VPS41: variants seen among roughly 807,000 people sequenced by gnomAD.
VPS41 encodes the protein vacuolar protein sorting-associated protein 41 homolog.
VPS41 carries 85 observed loss-of-function variants against 130.9 expected under a neutral mutation model. The ratio of observed to expected loss-of-function variants is 0.65; its 90% CI spans 0.55 to 0.78. The LOEUF (loss-of-function observed/expected upper bound fraction) is 0.78, where lower values mean the gene tolerates loss of function less well. VPS41 is among the 30% of genes least tolerant of loss of function. VPS41 has a pLI of 0.00. For synonymous variants in VPS41, 335 were observed against 332.9 expected (o/e 1.01, Z -0.07); for missense variants, 874 against 1,018.7 (o/e 0.86, Z 1.93).
chr7:38,772,688 T>G, intron 12 of VPS41, 51 bp from the exon 13 acceptor site: 1 of 1,322,812 alleles, frequency 7.6e-7, no homozygotes, highest in Non-Finnish European at 1.1e-6. Flanking sequence ...AGCAGAAAAC[T>G]TGGCAATGGT....
rs1014096942 is a variant in VPS41, at chr7:38,754,769, A to G, written c.1738-17T>C. ...CTTTTTAATCTAGATAAAAAAGAAAAGTTTCAAGGTGGAGTCATGAGGACA... is the reference window on the plus strand; with the variant it reads ...CTTTTTAATCTAGATAAAAAAGAAAGGTTTCAAGGTGGAGTCATGAGGACA... On this transcript the variant is annotated splice_polypyrimidine_tract_variant and intron_variant, in intron 20 of 28. Transcript: ENST00000310301. The G allele has an allele frequency of 6.2e-7, 1 of 1,610,488 alleles. No individual in the cohort carries two copies. Among genetic ancestry groups the G allele is most frequent in the African/African-American group, 1.3e-5 (1 of 74,816 alleles).
chr7:38,818,252 A>AAC (rs201834461), intron 6 of VPS41, among the ~76,000 whole-genome samples: 102 of 139,240 alleles, frequency 7.3e-4, no homozygotes, highest in African/African-American at 2.3e-3. Flanking sequence ...AACAAAACAA[A>AAC]AAAAAAAAAA....
Position 38,899,867 on chromosome 7 carries a change from G to A in VPS41, c.22-1738C>T, listed in dbSNP as rs578198515. Among the ~76,000 whole-genome samples, 240 of 152,084 alleles carry A rather than the reference G, an allele frequency of 1.6e-3. 2 individuals carry two copies. Among genetic ancestry groups the A allele is most frequent in the Non-Finnish European group, 2.9e-3 (200 of 68,004 alleles). On this transcript the variant is annotated intron_variant, in intron 1 of 28. Coordinates refer to ENST00000310301, the MANE Select transcript of VPS41 (RefSeq NM_014396.4). Reference sequence around the variant, plus strand: ...TTCAGGAAAATCACATTAAACCTAAGGAAATTTTTTTTTCCTCATATAGAA... The same window carrying A: ...TTCAGGAAAATCACATTAAACCTAAAGAAATTTTTTTTTCCTCATATAGAA...
intron 4 of VPS41, among the ~76,000 whole-genome samples, chr7:38,846,258 G>A (rs569262885): frequency 1.3e-4 from 20 of 152,142 alleles, no homozygotes; most frequent in Non-Finnish European, 2.5e-4. Flanking sequence ...TGTTTATATG[G>A]CAAGTTCCAC....
intron 1 of VPS41, 30 bp from the exon 2 acceptor site, chr7:38,898,159 G>A (rs1160739216): frequency 1.3e-6 from 2 of 1,589,558 alleles, no homozygotes; most frequent in Non-Finnish European, 1.7e-6. Context: ...AAAATGGTCA[G>A]AAGAGATGAT....
Position 38,723,984 on chromosome 7 carries a change from A to G in VPS41, c.*2262T>C, listed in dbSNP as rs2129083279. On this transcript the variant is annotated 3_prime_UTR_variant, in exon 29 of 29. Transcript: ENST00000310301. ...GTTTATTCAAAAGAAAAGACATTCT[A>G]AGGAACGAAAGCTAGTGTTTTTTAT... 6.6e-6 allele frequency: 1 copy of G among 152,292 alleles called. No individual in the cohort carries two copies. The highest frequency in any genetic ancestry group is 1.5e-5 in the Non-Finnish European group (1 of 68,016). 9.4% of individuals were successfully genotyped at this position (152,292 alleles called of 1,614,324 possible).
intron 2 of VPS41, among the ~76,000 whole-genome samples, chr7:38,875,116 G>A (rs1202459455): frequency 6.6e-6 from 1 of 152,054 alleles, no homozygotes; most frequent in Admixed American, 6.6e-5. Flanking sequence ...CACATCTTGA[G>A]TTTCAAAAAC....
Position 38,752,775 on chromosome 7 carries a change from A to AT in VPS41, c.1789-463dup, listed in dbSNP as rs1412224660. Among the ~76,000 whole-genome samples, 5 of 152,338 alleles carry AT rather than the reference A, an allele frequency of 3.3e-5. No homozygotes were observed. In the East Asian group the frequency reaches 9.6e-4, roughly 29 times the overall value. On this transcript the variant is annotated intron_variant, in intron 21 of 28. Coordinates refer to ENST00000310301, the MANE Select transcript of VPS41 (RefSeq NM_014396.4). ...TGAGTGGTCTTCCCAGATCATAAAA[A>AT]TTATTTTACACAAAAGAGGGTAGAG...
chr7:38,860,930 G>A lies in VPS41; in HGVS notation c.246+1615C>T, dbSNP rs564528110. On this transcript the variant is annotated intron_variant, in intron 4 of 28. Coordinates refer to ENST00000310301, the MANE Select transcript of VPS41 (RefSeq NM_014396.4). ...TAAGGTAAACAAACACACAAAAATAGCACCAAACTATCTTCCTCCCTTGCC... is the reference window on the plus strand; with the variant it reads ...TAAGGTAAACAAACACACAAAAATAACACCAAACTATCTTCCTCCCTTGCC... 4.3e-4 allele frequency among the ~76,000 whole-genome samples: 66 copies of A among 152,114 alleles called. 1 individual carries two copies. In the South Asian group the frequency reaches 0.014, roughly 31 times the overall value.
intron 19 of VPS41, 93 bp from the exon 20 acceptor site, chr7:38,755,029 G>A (rs1270373067): frequency 1.7e-6 from 2 of 1,168,540 alleles, no homozygotes; most frequent in African/African-American, 3.1e-5. Flanking sequence ...CAGTTCACAG[G>A]TGGAAGGCTT....
Position 38,765,596 on chromosome 7 carries a change from T to C in VPS41, c.1313A>G (p.Glu438Gly), listed in dbSNP as rs1411135562. ...LWEYEVYKFK[E>G]IGQLKAISPY... is the part of the protein sequence containing the mutation. ...TTTGCTTACCTTAAGCTGTCCAATT[T>C]CTTTAAATTTATAAACTTCATATTC... Residue 438 changes from glutamate to glycine, a missense_variant, in exon 16 of 29, where the codon GAA becomes GGA. Coordinates refer to ENST00000310301, the MANE Select transcript of VPS41 (RefSeq NM_014396.4). 1 of 1,598,600 alleles carries C rather than the reference T, an allele frequency of 6.3e-7. No homozygotes were observed. Among genetic ancestry groups the C allele is most frequent in the African/African-American group, 1.3e-5 (1 of 74,206 alleles).
At chr7:38,857,459 A>T (rs1233503272) in intron 4 of VPS41, among the ~76,000 whole-genome samples, 2 of 152,232 alleles carry the variant, frequency 1.3e-5, no homozygotes, top group African/African-American at 4.8e-5. Flanking sequence ...TAGCACACTT[A>T]AAGGAATAAA....
intron 2 of VPS41, among the ~76,000 whole-genome samples, chr7:38,874,334 A>G (rs4723802): frequency 0.93 from 140,952 of 152,202 alleles, 65,435 homozygotes; most frequent in East Asian, 0.99. Flanking sequence ...ATTAAAATCC[A>G]TTTTGTTTTG....
intron 17 of VPS41, among the ~76,000 whole-genome samples, chr7:38,760,535 G>A (rs1783888103): frequency 6.6e-6 from 1 of 151,978 alleles, no homozygotes; most frequent in African/African-American, 2.4e-5. Context: ...ATGTGACCAA[G>A]TGCCTCATTG....
chr7:38,733,201 T>C (rs1795702177), intron 25 of VPS41, among the ~76,000 whole-genome samples: 1 of 152,242 alleles, frequency 6.6e-6, no homozygotes, highest in Non-Finnish European at 1.5e-5. Flanking sequence ...TAGCTATACA[T>C]TTTGACTACC....
At chr7:38,791,106 G>T (rs2115953431) in intron 9 of VPS41, among the ~76,000 whole-genome samples, 1 of 152,286 alleles carries the variant, frequency 6.6e-6, no homozygotes, top group Middle Eastern at 3.4e-3. Context: ...CCACATAGAA[G>T]TGACCGGCTG....
intron 17 of VPS41, 122 bp from the exon 18 acceptor site, chr7:38,758,603 A>C: frequency 1.0e-6 from 1 of 986,830 alleles, no homozygotes; most frequent in Non-Finnish European, 1.5e-6. Flanking sequence ...AATCCTTAGA[A>C]TCTCTAAAAT....
At chr7:38,760,091 G>A (rs927336715) in intron 17 of VPS41, among the ~76,000 whole-genome samples, 1 of 151,928 alleles carries the variant, frequency 6.6e-6, no homozygotes, top group Admixed American at 6.6e-5. Context: ...TCCTGTTTCC[G>A]TCCCACAGCT....
intron 9 of VPS41, 26 bp downstream of exon 9, chr7:38,795,439 C>G: frequency 6.2e-7 from 1 of 1,601,850 alleles, no homozygotes; most frequent in Non-Finnish European, 8.5e-7. Context: ...ACAACACGGA[C>G]TTATTATAAA....
Sources: gnomAD v4.1 joint callset for allele counts (sites outside exome capture counted in the v4.1 genomes callset) on GRCh38, gnomAD v4.1.1 for gene constraint, MANE v1.5 for transcripts, NCBI Gene and HGNC (gene_info 2026-07-23, HGNC 2026-07-21) for gene names.